PARD3: variants seen among roughly 807,000 people sequenced by gnomAD.
The protein encoded by PARD3 is par-3 family cell polarity regulator, also known as partitioning defective 3 homolog.
A neutral mutation model predicts 155.4 loss-of-function variants in PARD3; 75 were observed. That is an observed-to-expected ratio of 0.48 (90% CI 0.40 to 0.58). PARD3 has a LOEUF of 0.58. Ranked by LOEUF, PARD3 falls within the 20% of genes least tolerant of loss-of-function variation. PARD3 has a pLI of 0.00. For synonymous variants in PARD3, 576 were observed against 610.5 expected, an observed-to-expected ratio of 0.94 and a Z score of 0.83; for missense variants, 1,642 against 1,721.7, an observed-to-expected ratio of 0.95 and a Z score of 0.82.
intron 1 of PARD3, among the ~76,000 whole-genome samples, chr10:34,709,467 C>G (rs1477483274): frequency 6.6e-6 from 1 of 152,134 alleles, no homozygotes; most frequent in Non-Finnish European, 1.5e-5. Flanking sequence ...CAAATCATCT[C>G]AAGTATTTTA....
At chr10:34,666,816 T>TATATATATATATATACAC (rs765552982) in intron 2 of PARD3, among the ~76,000 whole-genome samples, 14 of 88,798 alleles carry the variant, frequency 1.6e-4, no homozygotes, top group African/African-American at 4.2e-4. Flanking sequence ...TATATATATA[T>TATATATATATATATACAC]ACACACACAC....
chr10:34,363,274 T>C (rs1030923412), intron 12 of PARD3, among the ~76,000 whole-genome samples: 3 of 152,178 alleles, frequency 2.0e-5, no homozygotes, highest in Non-Finnish European at 4.4e-5. Context: ...TATTTTCTGA[T>C]TGCTGAACTC....
intron 22 of PARD3, among the ~76,000 whole-genome samples, chr10:34,199,687 C>T (rs1951117359): frequency 1.3e-5 from 2 of 152,134 alleles, no homozygotes; most frequent in South Asian, 2.1e-4. Context: ...TTACTTCCTA[C>T]TAGTTGTGGA....
chr10:34,255,825 T>C (rs1954624132), intron 22 of PARD3, among the ~76,000 whole-genome samples: 2 of 152,244 alleles, frequency 1.3e-5, no homozygotes, highest in South Asian at 4.1e-4. Context: ...ACGCCACTAT[T>C]TGTAGCTTTT....
chr10:34,156,318 G>C (rs11009660), intron 22 of PARD3, among the ~76,000 whole-genome samples: 1 of 152,048 alleles, frequency 6.6e-6, no homozygotes, highest in Admixed American at 6.6e-5. Context: ...GCAGGTCTCA[G>C]ACTCCAGGGC....
intron 2 of PARD3, among the ~76,000 whole-genome samples, chr10:34,639,867 C>T (rs2092612273): frequency 6.6e-6 from 1 of 152,032 alleles, no homozygotes; most frequent in South Asian, 2.1e-4. Flanking sequence ...CACACACACA[C>T]ACACACACCA....
At chr10:34,316,002 T>G (rs767417931) in intron 20 of PARD3, among the ~76,000 whole-genome samples, 1 of 152,226 alleles carries the variant, frequency 6.6e-6, no homozygotes, top group Non-Finnish European at 1.5e-5. Context: ...GGGCCATGGT[T>G]CCTCGACTTT....
chr10:34,803,183 G>A (rs1166998535), intron 1 of PARD3, among the ~76,000 whole-genome samples: 9 of 150,958 alleles, frequency 6.0e-5, no homozygotes, highest in Admixed American at 4.0e-4. Context: ...ACGTTGCAGT[G>A]AGCCGAGATC....
intron 1 of PARD3, among the ~76,000 whole-genome samples, chr10:34,710,797 T>C (rs1476735823): frequency 6.6e-6 from 1 of 152,226 alleles, no homozygotes. Flanking sequence ...TGTTTTTGTT[T>C]ATTCTCTTCC....
chr10:34,281,378 T>C (rs1208920373), intron 21 of PARD3, among the ~76,000 whole-genome samples: 1 of 152,146 alleles, frequency 6.6e-6, no homozygotes, highest in African/African-American at 2.4e-5. Flanking sequence ...AAAAATAGCA[T>C]GTCGGAAAAC....
chr10:34,404,782 A>G (rs2132233904), intron 5 of PARD3, among the ~76,000 whole-genome samples: 1 of 152,158 alleles, frequency 6.6e-6, no homozygotes, highest in South Asian at 2.1e-4. Flanking sequence ...ATAAAACGTG[A>G]ACAATAAAAA....
chr10:34,211,052 G>A (rs567627608), intron 22 of PARD3, among the ~76,000 whole-genome samples: 2 of 152,260 alleles, frequency 1.3e-5, no homozygotes, highest in African/African-American at 4.8e-5. Context: ...CGGATTAACA[G>A]AATCTACTTC....
chr10:34,746,762 C>G (rs1438918744), intron 1 of PARD3, among the ~76,000 whole-genome samples: 1 of 152,184 alleles, frequency 6.6e-6, no homozygotes, highest in Middle Eastern at 3.2e-3. Context: ...CTCTGACAAA[C>G]AGGAATTTAT....
At chr10:34,461,152 T>C (rs1248024837) in intron 4 of PARD3, among the ~76,000 whole-genome samples, 1 of 152,154 alleles carries the variant, frequency 6.6e-6, no homozygotes. Context: ...AGAAAGGATG[T>C]TTAAAGTCCT....
intron 1 of PARD3, among the ~76,000 whole-genome samples, chr10:34,771,889 C>A (rs929683229): frequency 2.6e-5 from 4 of 152,148 alleles, no homozygotes; most frequent in Non-Finnish European, 5.9e-5. Context: ...CCTAACAGCT[C>A]GCCAGGATAA....
At chr10:34,389,239 T>TA (rs57615675) in intron 7 of PARD3, among the ~76,000 whole-genome samples, 25,388 of 65,662 alleles carry the variant, frequency 0.39, 6,789 homozygotes, top group South Asian at 0.44. Context: ...CAATGTTTCT[T>TA]AAAAAAAAAA....
chr10:34,296,017 C>A (rs1016876836), intron 20 of PARD3, among the ~76,000 whole-genome samples: 2 of 152,092 alleles, frequency 1.3e-5, no homozygotes, highest in African/African-American at 4.8e-5. Flanking sequence ...GGCAGTGGGG[C>A]AGGATGGGGC....
At chr10:34,380,316 C>CT (rs1471651496) in intron 9 of PARD3, among the ~76,000 whole-genome samples, 4 of 152,198 alleles carry the variant, frequency 2.6e-5, no homozygotes, top group Admixed American at 2.6e-4. Flanking sequence ...CTATGGGACT[C>CT]TATATCATTA....
At chr10:34,689,248 T>C (rs1435611014) in intron 2 of PARD3, among the ~76,000 whole-genome samples, 3 of 152,148 alleles carry the variant, frequency 2.0e-5, no homozygotes, top group African/African-American at 7.2e-5. Context: ...TAAATCAGGA[T>C]CGAATGTCAG....
Sources: allele counts gnomAD v4.1 joint callset (sites outside exome capture counted in the v4.1 genomes callset), GRCh38; gene constraint gnomAD v4.1.1; transcripts MANE v1.5; gene names NCBI Gene and HGNC (gene_info 2026-07-23, HGNC 2026-07-21).